PUM1: variants seen among roughly 807,000 people sequenced by gnomAD.
The protein encoded by PUM1 is pumilio RNA binding family member 1, also known as pumilio homolog 1.
In PUM1, 13 loss-of-function variants were observed where a neutral mutation model predicts 131.8. The ratio of observed to expected loss-of-function variants is 0.10; its 90% CI spans 0.06 to 0.16. PUM1 has a LOEUF of 0.16. Ranked by LOEUF, PUM1 falls within the 10% of genes least tolerant of loss-of-function variation. The pLI is 1.00. For missense variants in PUM1, 961 were observed against 1,512.4 expected (o/e 0.64, Z 6.05); for synonymous variants, 509 against 556.5 (o/e 0.91, Z 1.20).
intron 3 of PUM1, among the ~76,000 whole-genome samples, chr1:31,022,849 G>A (rs550323219): frequency 1.3e-5 from 2 of 152,308 alleles, no homozygotes; most frequent in East Asian, 3.9e-4. Flanking sequence ...GAACTAGGGT[G>A]TTTTTACTAT....
At chr1:31,045,897 C>A (rs1643945786) in intron 2 of PUM1, among the ~76,000 whole-genome samples, 1 of 152,056 alleles carries the variant, frequency 6.6e-6, no homozygotes, top group South Asian at 2.1e-4. Context: ...GCCTGGTCAA[C>A]ATGGCGAAAC....
intron 7 of PUM1, among the ~76,000 whole-genome samples, chr1:30,981,630 C>T (rs1400154734): frequency 6.6e-6 from 1 of 152,010 alleles, no homozygotes; most frequent in African/African-American, 2.4e-5. Context: ...GTTCCATGAG[C>T]TGACCGCTTC....
At chr1:30,985,665 A>G (rs1270407251) in intron 7 of PUM1, among the ~76,000 whole-genome samples, 2 of 151,770 alleles carry the variant, frequency 1.3e-5, no homozygotes, top group Admixed American at 6.6e-5. Context: ...AAAAAAAAAA[A>G]AAAAGAGTCA....
chr1:31,028,936 T>C (rs534476544), intron 2 of PUM1, 72 bp from the exon 3 acceptor site: 13 of 1,197,438 alleles, frequency 1.1e-5, no homozygotes, highest in African/African-American at 9.0e-5. Context: ...TTACACACAA[T>C]TGAAAATTTA....
chr1:31,053,823 G>A (rs535448330), intron 2 of PUM1, among the ~76,000 whole-genome samples: 18 of 151,344 alleles, frequency 1.2e-4, no homozygotes, highest in African/African-American at 2.9e-4. Flanking sequence ...GCCCAGGAAC[G>A]GTGGCTCATG....
rs72885629 is a variant in PUM1, at chr1:31,027,600, T to C, written c.432+1196A>G. On this transcript the variant is annotated intron_variant, in intron 3 of 21. Transcript: ENST00000426105. Reference sequence around the variant, plus strand: ...CCAAAAATGCATGAACTCAAGATGATAGGACACTGGACTCTGTGGCCACAA... The same window carrying C: ...CCAAAAATGCATGAACTCAAGATGACAGGACACTGGACTCTGTGGCCACAA... Among the ~76,000 whole-genome samples the C allele has an allele frequency of 3.1e-3, 467 of 152,264 alleles. 4 individuals are homozygous for C. Among genetic ancestry groups the C allele is most frequent in the African/African-American group, 0.011 (445 of 41,542 alleles).
chr1:31,021,195 A>G (rs981524341), intron 3 of PUM1, among the ~76,000 whole-genome samples: 2 of 152,170 alleles, frequency 1.3e-5, no homozygotes, highest in Admixed American at 6.5e-5. Flanking sequence ...TGTCTTCTAT[A>G]TTTTTGCAAA....
chr1:31,030,195 C>T (rs904755491), intron 2 of PUM1, among the ~76,000 whole-genome samples: 5 of 151,272 alleles, frequency 3.3e-5, no homozygotes, highest in African/African-American at 4.9e-5. Flanking sequence ...GGTGACAGAG[C>T]GAGATTCTGT....
At chr1:31,000,987 C>T (rs1346198758) in intron 5 of PUM1, among the ~76,000 whole-genome samples, 1 of 151,892 alleles carries the variant, frequency 6.6e-6, no homozygotes, top group African/African-American at 2.4e-5. Context: ...GAGAGCGAGA[C>T]CATCCTGGCT....
chr1:30,976,055 T>C (rs1003363604), intron 9 of PUM1, among the ~76,000 whole-genome samples: 2 of 141,996 alleles, frequency 1.4e-5, no homozygotes, highest in African/African-American at 2.7e-5. Context: ...ACCACTGCAC[T>C]CCAGCCTGGG....
At chr1:30,987,236 G>A (rs1016527956) in intron 7 of PUM1, among the ~76,000 whole-genome samples, 2 of 145,326 alleles carry the variant, frequency 1.4e-5, no homozygotes, top group Non-Finnish European at 3.0e-5. Context: ...TCACTCTGTC[G>A]CCCAGGCTGG....
chr1:31,023,656 C>T lies in PUM1; in HGVS notation c.432+5140G>A, dbSNP rs143911434. Among the ~76,000 whole-genome samples, 800 of 152,206 alleles carry T rather than the reference C, an allele frequency of 5.3e-3. 6 individuals are homozygous for T. The highest frequency in any genetic ancestry group is 0.018 in the African/African-American group (734 of 41,522). Reference sequence around the variant, plus strand: ...CTTTAAAGAACCCAACGAAGCCAGGCGCGGTGGCTCATGCCTGTAATTCCA... The same window carrying T: ...CTTTAAAGAACCCAACGAAGCCAGGTGCGGTGGCTCATGCCTGTAATTCCA... On this transcript the variant is annotated intron_variant, in intron 3 of 21. Transcript: ENST00000426105.
At chr1:30,958,671 CTT>C (rs749353781) in intron 14 of PUM1, among the ~76,000 whole-genome samples, 86 of 152,162 alleles carry the variant, frequency 5.7e-4, no homozygotes, top group Middle Eastern at 3.4e-3. Context: ...CTTTTTTTCT[CTT>C]TGAGATGGGA....
intron 17 of PUM1, among the ~76,000 whole-genome samples, chr1:30,946,559 C>A (rs1639679995): frequency 6.7e-6 from 1 of 150,196 alleles, no homozygotes; most frequent in African/African-American, 2.5e-5. Flanking sequence ...ATTTCTTGAA[C>A]CGTGGAGGCG....
chr1:30,985,850 C>G (rs145232303), intron 7 of PUM1, among the ~76,000 whole-genome samples: 1 of 152,034 alleles, frequency 6.6e-6, no homozygotes, highest in Non-Finnish European at 1.5e-5. Context: ...AAAGGCCCTG[C>G]GTTTCTAATA....
At chr1:30,952,683 C>CGGGGGGGGGGGGGG (rs1233416238) in intron 15 of PUM1, among the ~76,000 whole-genome samples, 1 of 41,786 alleles carries the variant, frequency 2.4e-5, no homozygotes, top group African/African-American at 1.0e-4. Context: ...GCGGGGGGGG[C>CGGGGGGGGGGGGGG]GGGGGGGGGG....
chr1:31,006,746 T>C (rs1642412512), intron 4 of PUM1, among the ~76,000 whole-genome samples: 1 of 152,246 alleles, frequency 6.6e-6, no homozygotes, highest in South Asian at 2.1e-4. Flanking sequence ...CAGCTGAAAT[T>C]ATGGTCGTTT....
chr1:30,990,348 A>G (rs974221518), intron 7 of PUM1, among the ~76,000 whole-genome samples: 9 of 152,240 alleles, frequency 5.9e-5, no homozygotes, highest in Non-Finnish European at 1.3e-4. Flanking sequence ...CTTCTCTTAA[A>G]GGAAACACAA....
In PUM1 at chr1:31,038,984, A is replaced by ATATATATATAT; in HGVS notation, c.364-10121_364-10120insATATATATATA. On this transcript the variant is annotated intron_variant, in intron 2 of 21. Coordinates refer to ENST00000426105, the MANE Select transcript of PUM1 (RefSeq NM_001020658.2). ...TATATATATATATATATATATATAT[A>ATATATATATAT]TTTTTTTTTTTTTTTTCCTTTTCTC... Among the ~76,000 whole-genome samples, 33 of 49,410 alleles carry ATATATATATAT rather than the reference A, an allele frequency of 6.7e-4. 2 individuals are homozygous for ATATATATATAT. The highest frequency in any genetic ancestry group is 3.3e-3 in the African/African-American group (16 of 4,832). The allele number at this position is 49,410 out of a possible 152,430, so 32.4% of individuals were successfully genotyped here. A position where few individuals can be genotyped will look rare whatever the true frequency, so the allele number is the denominator to read the frequency against.
Sources: allele counts gnomAD v4.1 joint callset (sites outside exome capture counted in the v4.1 genomes callset), GRCh38; gene constraint gnomAD v4.1.1; transcripts MANE v1.5; gene names NCBI Gene and HGNC (gene_info 2026-07-23, HGNC 2026-07-21).